TDRD1: variants seen among roughly 807,000 people sequenced by gnomAD.
The protein encoded by TDRD1 is tudor domain-containing protein 1.
In TDRD1, 37 loss-of-function variants were observed where a neutral mutation model predicts 140.6. The observed-to-expected ratio is 0.26, with a 90% CI of 0.20 to 0.35. TDRD1 has a LOEUF of 0.35. TDRD1 is among the 10% of genes least tolerant of loss of function. The pLI is 1.00. For synonymous variants in TDRD1, 506 were observed against 475.7 expected (o/e 1.06, Z -0.83); for missense variants, 1,243 against 1,393.0 (o/e 0.89, Z 1.71).
chr10:114,231,557 C>T (rs763296664), exon 26 of TDRD1: 6 of 1,506,456 alleles, frequency 4.0e-6, no homozygotes, highest in Non-Finnish European at 4.5e-6. Flanking sequence ...AGAGAAAGTA[C>T]AGCACCTGGT....
intron 1 of TDRD1, among the ~76,000 whole-genome samples, chr10:114,184,140 GGCAGAAAAT>G (rs2033326599): frequency 6.6e-6 from 1 of 151,626 alleles, no homozygotes; most frequent in African/African-American, 2.4e-5. Flanking sequence ...GCACCCACTA[GGCAGAAAAT>G]GCATACTTAT....
chr10:114,207,287 G>A (rs1056355450), intron 11 of TDRD1, among the ~76,000 whole-genome samples: 3 of 152,154 alleles, frequency 2.0e-5, no homozygotes, highest in African/African-American at 7.2e-5. Flanking sequence ...AAGCACACTG[G>A]AATCATCCTT....
At chr10:114,213,912 A>G in intron 15 of TDRD1, 65 bp from the exon 16 acceptor site, 1 of 1,538,674 alleles carries the variant, frequency 6.5e-7, no homozygotes, top group Non-Finnish European at 8.9e-7. Context: ...CGGGTTCCTC[A>G]GCCACCCCAA....
chr10:114,185,787 C>T (rs2033471080), intron 1 of TDRD1, among the ~76,000 whole-genome samples: 1 of 151,814 alleles, frequency 6.6e-6, no homozygotes, highest in East Asian at 1.9e-4. Context: ...CAGAGTTTCA[C>T]CATGTTGTCC....
intron 6 of TDRD1, among the ~76,000 whole-genome samples, 164 bp downstream of exon 6, chr10:114,202,462 ATTAC>A (rs374534439): frequency 3.9e-5 from 6 of 152,290 alleles, no homozygotes; most frequent in Admixed American, 1.3e-4. Flanking sequence ...GTTTTTGAGA[ATTAC>A]TTCATCTTTT....
intron 16 of TDRD1, 73 bp from the exon 17 acceptor site, chr10:114,217,472 G>T (rs2035883251): frequency 1.3e-6 from 1 of 799,596 alleles, no homozygotes; most frequent in South Asian, 1.8e-5. Flanking sequence ...CACGTTTTCT[G>T]ACTTTAAAGG....
exon 19 of TDRD1, chr10:114,220,700 T>C (rs2036086834): frequency 1.2e-6 from 2 of 1,614,010 alleles, no homozygotes; most frequent in Admixed American, 1.7e-5. Context: ...CTCACCGATC[T>C]CTCCACTTGT....
At chr10:114,200,908 T>C (rs1164863963) in intron 4 of TDRD1, among the ~76,000 whole-genome samples, 2 of 137,772 alleles carry the variant, frequency 1.5e-5, no homozygotes, top group Non-Finnish European at 3.0e-5. Flanking sequence ...GGCTGTGGAG[T>C]GCAGTGGTAC....
intron 2 of TDRD1, among the ~76,000 whole-genome samples, chr10:114,188,597 G>A (rs748507416): frequency 4.2e-4 from 64 of 152,206 alleles, no homozygotes; most frequent in Admixed American, 1.7e-3. Context: ...GGTGGCTCAC[G>A]CCTGTAATCC....
intron 25 of TDRD1, among the ~76,000 whole-genome samples, chr10:114,230,112 T>C (rs1366238859): frequency 2.6e-5 from 4 of 152,254 alleles, no homozygotes; most frequent in African/African-American, 7.2e-5. Context: ...ATTACAGGCG[T>C]GAGCCACTGC....
intron 1 of TDRD1, among the ~76,000 whole-genome samples, chr10:114,180,636 T>G (rs1392536705): frequency 6.6e-6 from 1 of 152,170 alleles, no homozygotes; most frequent in Non-Finnish European, 1.5e-5. Flanking sequence ...TGCTAATTTT[T>G]GTATTTTTAG....
chr10:114,227,794 C>A, intron 23 of TDRD1, 116 bp from the exon 24 acceptor site: 1 of 763,922 alleles, frequency 1.3e-6, no homozygotes, highest in South Asian at 1.6e-5. Flanking sequence ...CCATCCAGGT[C>A]TTTGTAGTCG....
intron 11 of TDRD1, among the ~76,000 whole-genome samples, chr10:114,210,296 G>A (rs2035397689): frequency 6.6e-6 from 1 of 152,090 alleles, no homozygotes; most frequent in Admixed American, 6.6e-5. Context: ...AACTCTTTTA[G>A]GGACTATAAA....
intron 4 of TDRD1, among the ~76,000 whole-genome samples, chr10:114,200,518 C>T (rs1018303874): frequency 3.9e-5 from 6 of 152,056 alleles, no homozygotes; most frequent in Admixed American, 6.6e-5. Flanking sequence ...TTGTTTTTCA[C>T]GATACACAGC....
At chr10:114,218,493 A>G (rs754608115) in exon 18 of TDRD1, 2 of 1,612,658 alleles carry the variant, frequency 1.2e-6, no homozygotes, top group Non-Finnish European at 1.7e-6. Flanking sequence ...TGGATTATGG[A>G]AACATCGAAG....
At chr10:114,198,799 G>A (rs2034541370) in intron 3 of TDRD1, among the ~76,000 whole-genome samples, 1 of 152,154 alleles carries the variant, frequency 6.6e-6, no homozygotes, top group African/African-American at 2.4e-5. Context: ...GACTGCAGGT[G>A]CCCACCACGA....
At chr10:114,193,393 A>G (rs1271104955) in intron 3 of TDRD1, among the ~76,000 whole-genome samples, 2 of 149,416 alleles carry the variant, frequency 1.3e-5, no homozygotes, top group African/African-American at 5.0e-5. Flanking sequence ...CCCTGGTTCA[A>G]GCGATTCTCC....
intron 2 of TDRD1, among the ~76,000 whole-genome samples, chr10:114,190,729 C>G (rs1247963023): frequency 1.3e-5 from 2 of 152,182 alleles, no homozygotes; most frequent in African/African-American, 4.8e-5. Context: ...CTCAAGTGAT[C>G]CACCTGCCTT....
At chr10:114,219,383 G>A (rs1037734048) in intron 18 of TDRD1, among the ~76,000 whole-genome samples, 65 of 152,100 alleles carry the variant, frequency 4.3e-4, no homozygotes, top group African/African-American at 5.5e-4. Flanking sequence ...CTATAGTAGC[G>A]GTTATTATAA....
Sources: allele counts gnomAD v4.1 joint callset (sites outside exome capture counted in the v4.1 genomes callset), GRCh38; gene constraint gnomAD v4.1.1; transcripts MANE v1.5; gene names NCBI Gene and HGNC (gene_info 2026-07-23, HGNC 2026-07-21).